The following SYT10 variants were observed in gnomAD, a reference collection of about 807,000 sequenced individuals.
SYT10 encodes the protein synaptotagmin 10.
SYT10 carries 31 observed loss-of-function variants against 51.1 expected under a neutral mutation model. The ratio of observed to expected loss-of-function variants is 0.61; its 90% CI spans 0.46 to 0.82. The LOEUF is 0.82. Among genes scored for constraint, SYT10 ranks in the 40% least tolerant of loss-of-function variants. SYT10 has a pLI of 0.00. For synonymous variants in SYT10, 233 were observed against 225.9 expected, an observed-to-expected ratio of 1.03 and a Z score of -0.28; for missense variants, 603 against 634.0, an observed-to-expected ratio of 0.95 and a Z score of 0.53.
rs1866667806 is a variant in SYT10, at chr12:33,439,582, G to A, written c.-60C>T. The A allele has an allele frequency of 6.3e-7, 1 of 1,582,508 alleles. No homozygotes were observed. Among genetic ancestry groups the A allele is most frequent in the South Asian group, 1.2e-5 (1 of 86,396 alleles). On this transcript the variant is annotated 5_prime_UTR_variant, in exon 1 of 7. It adds an upstream start codon to the 5' untranslated region. Transcript: ENST00000228567. The stretch of plus-strand genomic sequence containing the variant: ...CAGTTAGCCGTCTTTTCCTCTTCCC[G>A]TACCTCTAACCCCTCTGGCGCCCTA...
Position 33,376,568 on chromosome 12 carries a change from A to C in SYT10, c.*262T>G, listed in dbSNP as rs1474819102. The C allele has an allele frequency of 8.5e-6, 4 of 471,760 alleles. No homozygotes were observed. Among genetic ancestry groups the C allele is most frequent in the African/African-American group, 3.9e-5 (2 of 51,840 alleles). The allele number at this position is 471,760 out of a possible 1,614,324, so 29.2% of individuals were successfully genotyped here. On this transcript the variant is annotated 3_prime_UTR_variant, in exon 7 of 7. Transcript: ENST00000228567. ...TTTCATATGCAAAGAATTACAACAT[A>C]GTAAAACACTCTTTGTGCTAACAGG...
chr12:33,384,855 C>T (rs997382036), intron 4 of SYT10, among the ~76,000 whole-genome samples: 2 of 152,110 alleles, frequency 1.3e-5, no homozygotes, highest in African/African-American at 4.8e-5. Flanking sequence ...AAGAATCTTC[C>T]TTTATAAAAA....
At chr12:33,423,161 G>A (rs1459740135) in intron 2 of SYT10, among the ~76,000 whole-genome samples, 2 of 152,100 alleles carry the variant, frequency 1.3e-5, no homozygotes, top group African/African-American at 4.8e-5. Flanking sequence ...TAACTTCTAG[G>A]CCCATCAGGA....
rs1565502038 is a variant in SYT10 at position 33,439,412 on chromosome 12, G to A, written c.111C>T (p.Ile37=). Residue 37 remains isoleucine, a synonymous_variant, in exon 1 of 7, where the codon ATC becomes ATT. Transcript: ENST00000228567. ...GQVEWEKCSG[I]FPRDRGSQGG... is the part of the protein sequence containing the mutation. ...CCTGGCTGCCCCTGTCCCGAGGGAA[G>A]ATGCCCGAGCACTTCTCCCACTCCA... The A allele has an allele frequency of 6.2e-7, 1 of 1,614,146 alleles. No individual in the cohort carries two copies. The highest frequency in any genetic ancestry group is 2.2e-5 in the East Asian group (1 of 44,854).
intron 4 of SYT10, among the ~76,000 whole-genome samples, chr12:33,383,262 T>C (rs1256450863): frequency 6.6e-6 from 1 of 151,936 alleles, no homozygotes; most frequent in Admixed American, 6.6e-5. Context: ...TTGAGTACAC[T>C]AGATAGTTAA....
At chr12:33,412,975 T>C (rs182059197) in intron 2 of SYT10, among the ~76,000 whole-genome samples, 222 of 152,154 alleles carry the variant, frequency 1.5e-3, no homozygotes, top group Non-Finnish European at 2.6e-4. Flanking sequence ...AACCAGTGTA[T>C]AGAAGTCCTT....
At chr12:33,437,902 C>T (rs1192172390) in intron 1 of SYT10, among the ~76,000 whole-genome samples, 1 of 151,928 alleles carries the variant, frequency 6.6e-6, no homozygotes, top group African/African-American at 2.4e-5. Context: ...ACCTACTGAA[C>T]GAATGGAAAT....
chr12:33,398,199 C>T (rs1039920379), intron 3 of SYT10, among the ~76,000 whole-genome samples: 5 of 152,082 alleles, frequency 3.3e-5, no homozygotes, highest in African/African-American at 1.2e-4. Flanking sequence ...TGAGTATACA[C>T]ATCATACATT....
chr12:33,425,410 G>C (rs1866541929), intron 2 of SYT10, among the ~76,000 whole-genome samples: 1 of 152,026 alleles, frequency 6.6e-6, no homozygotes, highest in African/African-American at 2.4e-5. Flanking sequence ...TTCCTTTACA[G>C]TTAATACAAT....
At chr12:33,382,013 C>T (rs1866119279) in intron 5 of SYT10, among the ~76,000 whole-genome samples, 1 of 152,150 alleles carries the variant, frequency 6.6e-6, no homozygotes, top group African/African-American at 2.4e-5. Context: ...TCATGATATT[C>T]ATATTCCAGC....
chr12:33,376,541 C>G lies in SYT10; in HGVS notation c.*289G>C. 1 of 388,204 alleles carries G rather than the reference C, an allele frequency of 2.6e-6. No individual in the cohort carries two copies. The highest frequency in any genetic ancestry group is 4.7e-6 in the Non-Finnish European group (1 of 211,980). 24.0% of individuals were successfully genotyped at this position (388,204 alleles called of 1,614,324 possible). A position where few individuals can be genotyped will look rare whatever the true frequency, so the allele number is the denominator to read the frequency against. The stretch of plus-strand genomic sequence containing the variant: ...GGTAAGTATGAACTGTTTAAAAAAA[C>G]ATTTCATATGCAAAGAATTACAACA... On this transcript the variant is annotated 3_prime_UTR_variant, in exon 7 of 7. Coordinates refer to ENST00000228567, the MANE Select transcript of SYT10 (RefSeq NM_198992.4).
intron 3 of SYT10, chr12:33,405,461 C>CA (rs1226186271): frequency 6.6e-6 from 1 of 151,884 alleles, no homozygotes; most frequent in African/African-American, 2.4e-5. Flanking sequence ...GATTATGACA[C>CA]AAAAATCCAA....
In SYT10 at chr12:33,379,879, G is replaced by A. The variant is rs747425032; in HGVS notation, c.1453C>T (p.Leu485=). ...GTTATTGGTTTTCGATGATAGGCCA[G>A]CATTTCATTCCAGTGGTCTCGCCCA... The part of the protein sequence containing the change: ...GLGRDHWNEM[L]AYHRKPITHW... The change falls in exon 6 of 7, where the codon CTG becomes TTG. Residue 485 remains leucine (L), a synonymous_variant. Coordinates refer to ENST00000228567, the MANE Select transcript of SYT10 (RefSeq NM_198992.4). 3 of 1,613,978 alleles carry A rather than the reference G, an allele frequency of 1.9e-6. No homozygotes were observed. The highest frequency in any genetic ancestry group is 2.2e-5 in the East Asian group (1 of 44,858).
chr12:33,391,468 T>C (rs969383255), intron 3 of SYT10, among the ~76,000 whole-genome samples: 2 of 152,102 alleles, frequency 1.3e-5, no homozygotes, highest in African/African-American at 4.8e-5. Flanking sequence ...CTTAGAGTGC[T>C]CAGTGATGAC....
chr12:33,425,369 G>GA (rs1298307474), intron 2 of SYT10, among the ~76,000 whole-genome samples: 2 of 152,024 alleles, frequency 1.3e-5, no homozygotes, highest in South Asian at 4.2e-4. Flanking sequence ...CTACTTAGCA[G>GA]AAAAAAATGC....
intron 3 of SYT10, among the ~76,000 whole-genome samples, chr12:33,386,011 T>C (rs1345965169): frequency 6.6e-6 from 1 of 152,144 alleles, no homozygotes; most frequent in East Asian, 1.9e-4. Flanking sequence ...GGTGTAATTA[T>C]TAAAAACATC....
chr12:33,414,693 A>G (rs1866438088), intron 2 of SYT10, among the ~76,000 whole-genome samples: 1 of 152,190 alleles, frequency 6.6e-6, no homozygotes, highest in Non-Finnish European at 1.5e-5. Context: ...TGTAGAAGGA[A>G]ATTTATAGCA....
chr12:33,413,017 C>T (rs569699135), intron 2 of SYT10, among the ~76,000 whole-genome samples: 178 of 152,204 alleles, frequency 1.2e-3, no homozygotes, highest in Non-Finnish European at 2.1e-3. Flanking sequence ...AACCACGGCA[C>T]GAGAACTACG....
chr12:33,391,032 G>C (rs150801409), intron 3 of SYT10, among the ~76,000 whole-genome samples: 1 of 152,140 alleles, frequency 6.6e-6, no homozygotes, highest in East Asian at 1.9e-4. Context: ...TGCCTCCTGG[G>C]TTCAAGCAAT....
Sources: gnomAD v4.1 joint callset for allele counts (sites outside exome capture counted in the v4.1 genomes callset) on GRCh38, gnomAD v4.1.1 for gene constraint, MANE v1.5 for transcripts, NCBI Gene and HGNC (gene_info 2026-07-23, HGNC 2026-07-21) for gene names.